ZNF267: variants seen among roughly 807,000 people sequenced by gnomAD.
ZNF267 encodes zinc finger (C2H2).
In ZNF267, 61 loss-of-function variants were observed where a neutral mutation model predicts 71.6. The ratio of observed to expected loss-of-function variants is 0.85; its 90% CI spans 0.69 to 1.05. The LOEUF is 1.05. Among genes scored for constraint, ZNF267 ranks in the 50% least tolerant of loss-of-function variants. The probability of loss-of-function intolerance (pLI) is 0.00; values close to 1 mark genes in which losing one functional copy is unlikely to be tolerated. For missense variants in ZNF267, 852 were observed against 870.0 expected, an observed-to-expected ratio of 0.98 and a Z score of 0.26; for synonymous variants, 288 against 293.2, an observed-to-expected ratio of 0.98 and a Z score of 0.18.
intron 3 of ZNF267, among the ~76,000 whole-genome samples, chr16:31,899,742 A>G (rs1291898116): frequency 2.6e-5 from 4 of 152,198 alleles, no homozygotes; most frequent in African/African-American, 9.7e-5. Flanking sequence ...TTCAAAGTTA[A>G]CAGGCTCTCT....
At chr16:31,904,376 T>G (rs2084069556) in intron 3 of ZNF267, among the ~76,000 whole-genome samples, 1 of 152,240 alleles carries the variant, frequency 6.6e-6, no homozygotes, top group Admixed American at 6.5e-5. Context: ...TGTCTAATGT[T>G]GACAATGGGT....
chr16:31,888,498 C>T (rs996093752), intron 3 of ZNF267, among the ~76,000 whole-genome samples: 1 of 151,914 alleles, frequency 6.6e-6, no homozygotes, highest in African/African-American at 2.4e-5. Context: ...GAGATGGATA[C>T]TTTTGTATGT....
At chr16:31,888,939 AT>A (rs1004388954) in intron 3 of ZNF267, among the ~76,000 whole-genome samples, 2 of 151,522 alleles carry the variant, frequency 1.3e-5, no homozygotes, top group African/African-American at 2.4e-5. Flanking sequence ...TGGTCATGGG[AT>A]TTTTTTTAAA....
intron 3 of ZNF267, among the ~76,000 whole-genome samples, chr16:31,905,281 G>C (rs2084079006): frequency 6.6e-6 from 1 of 152,078 alleles, no homozygotes; most frequent in Non-Finnish European, 1.5e-5. Flanking sequence ...TGCTCTTCTT[G>C]AGGAGTATCT....
At chr16:31,892,509 C>T (rs1338101448) in intron 3 of ZNF267, among the ~76,000 whole-genome samples, 1 of 152,202 alleles carries the variant, frequency 6.6e-6, no homozygotes, top group African/African-American at 2.4e-5. Context: ...CTAATTTCAG[C>T]ATTAACTCAA....
intron 3 of ZNF267, among the ~76,000 whole-genome samples, chr16:31,907,015 C>T (rs534662103): frequency 3.9e-5 from 6 of 152,134 alleles, no homozygotes; most frequent in Non-Finnish European, 7.4e-5. Flanking sequence ...TCATCACTTT[C>T]AATATATCAT....
intron 3 of ZNF267, among the ~76,000 whole-genome samples, chr16:31,903,624 G>A (rs1383727850): frequency 2.6e-5 from 4 of 152,010 alleles, no homozygotes; most frequent in East Asian, 1.9e-4. Context: ...CTGTGGGATC[G>A]GTGGTGATAT....
rs757339634 is a variant in ZNF267, at chr16:31,873,817, C to T, written c.-150C>T. On this transcript the variant is annotated 5_prime_UTR_variant, in exon 1 of 4. Coordinates refer to ENST00000300870, the MANE Select transcript of ZNF267 (RefSeq NM_003414.6). ...GCCTTCGTCGGCTCCAGTTAGAGCT[C>T]GGGTCTCCTCGCCACAGCTCCGAGT... 2.8e-6 allele frequency: 3 copies of T among 1,074,088 alleles called. No homozygotes were observed. The highest frequency in any genetic ancestry group is 4.2e-6 in the Non-Finnish European group (3 of 710,140). The allele number at this position is 1,074,088 out of a possible 1,614,324, so 66.5% of individuals were successfully genotyped here.
Position 31,915,351 on chromosome 16 carries a change from A to G in ZNF267, c.1102A>G (p.Thr368Ala). 6.2e-7 allele frequency: 1 copy of G among 1,613,608 alleles called. No homozygotes were observed. The highest frequency in any genetic ancestry group is 2.2e-5 in the East Asian group (1 of 44,824). Reference sequence around the variant, plus strand: ...TAACCTTAACTGTAGTTTATACCTTACTAAACAGCAGCAAATTGATACTGG... The same window carrying G: ...TAACCTTAACTGTAGTTTATACCTTGCTAAACAGCAGCAAATTGATACTGG... The part of the protein sequence containing the change: ...VFNLNCSLYL[T>A]KQQQIDTGEN... Residue 368 changes from threonine to alanine, a missense_variant, in exon 4 of 4, where the codon ACT becomes GCT. Transcript: ENST00000300870.
intron 3 of ZNF267, among the ~76,000 whole-genome samples, chr16:31,889,564 A>G (rs1419325987): frequency 1.3e-5 from 2 of 152,170 alleles, no homozygotes; most frequent in African/African-American, 2.4e-5. Flanking sequence ...AGTCTATTCT[A>G]TAAAGAAAAG....
rs559525743 is a variant in ZNF267, at chr16:31,873,913, G to C, written c.-54G>C. The C allele has an allele frequency of 6.2e-7, 1 of 1,613,170 alleles. No homozygotes were observed. On this transcript the variant is annotated 5_prime_UTR_variant, in exon 1 of 4. Transcript: ENST00000300870. ...CAGAACCTCTGTTGCTCTGCGACTTGCAGGCACTGGGAGATTCGTAGCTAA... is the reference window on the plus strand; with the variant it reads ...CAGAACCTCTGTTGCTCTGCGACTTCCAGGCACTGGGAGATTCGTAGCTAA...
At chr16:31,900,533 C>T (rs2084031551) in intron 3 of ZNF267, among the ~76,000 whole-genome samples, 1 of 152,146 alleles carries the variant, frequency 6.6e-6, no homozygotes, top group Non-Finnish European at 1.5e-5. Flanking sequence ...CAGGCTCCGC[C>T]TCCTGGGTTC....
At chr16:31,903,323 C>T (rs778243807) in intron 3 of ZNF267, among the ~76,000 whole-genome samples, 2 of 152,146 alleles carry the variant, frequency 1.3e-5, no homozygotes, top group African/African-American at 2.4e-5. Flanking sequence ...GGGAGGGATT[C>T]CCTCTTTTTC....
At chr16:31,888,402 T>C (rs1043566901) in intron 3 of ZNF267, among the ~76,000 whole-genome samples, 4 of 152,122 alleles carry the variant, frequency 2.6e-5, no homozygotes, top group African/African-American at 9.6e-5. Context: ...CTCACTACTA[T>C]GTTGAATAGA....
chr16:31,882,300 G>T (rs990501529), intron 1 of ZNF267, among the ~76,000 whole-genome samples: 1 of 152,168 alleles, frequency 6.6e-6, no homozygotes, highest in Non-Finnish European at 1.5e-5. Context: ...ACTTTAAATG[G>T]CTGGCAAAGG....
intron 3 of ZNF267, among the ~76,000 whole-genome samples, chr16:31,893,899 G>A (rs1244155949): frequency 6.6e-6 from 1 of 152,188 alleles, no homozygotes; most frequent in Non-Finnish European, 1.5e-5. Context: ...TCACAGACAG[G>A]ACCAAATTCT....
At position 31,915,718 on chromosome 16, in the gene ZNF267, A is replaced by G. The variant is rs1472087916; in HGVS notation, c.1469A>G (p.Lys490Arg). Residue 490 changes from lysine to arginine, a missense_variant, in exon 4 of 4, where the codon AAG becomes AGG. By Grantham distance (26) the Lys-to-Arg change is conservative. Transcript: ENST00000300870. ...IMHQRVHTGE[K>R]PYKCKECGKV... ...CATCAGAGAGTTCATACTGGAGAGAAGCCTTATAAATGTAAAGAATGTGGC... is the reference window on the plus strand; with the variant it reads ...CATCAGAGAGTTCATACTGGAGAGAGGCCTTATAAATGTAAAGAATGTGGC... 1 of 1,613,380 alleles carries G rather than the reference A, an allele frequency of 6.2e-7. No individual in the cohort carries two copies. Among genetic ancestry groups the G allele is most frequent in the East Asian group, 2.2e-5 (1 of 44,864 alleles).
intron 1 of ZNF267, among the ~76,000 whole-genome samples, chr16:31,875,510 C>A (rs1356758737): frequency 6.6e-6 from 1 of 152,116 alleles, no homozygotes; most frequent in Admixed American, 6.5e-5. Context: ...ATTCCTGCCC[C>A]CTAGATTCAT....
rs1257980886 is a variant in ZNF267, at chr16:31,916,542, A to G, written c.*61A>G. 1 of 1,481,088 alleles carries G rather than the reference A, an allele frequency of 6.8e-7. No individual in the cohort carries two copies. The highest frequency in any genetic ancestry group is 9.1e-7 in the Non-Finnish European group (1 of 1,095,720). The allele number at this position is 1,481,088 out of a possible 1,614,324, so 91.7% of individuals were successfully genotyped here. A position where few individuals can be genotyped will look rare whatever the true frequency, so the allele number is the denominator to read the frequency against. ...CCCATGTCTTATTGTGCATCAGATAATTTATATGGGAGTGAAACCCTACAA... is the reference window on the plus strand; with the variant it reads ...CCCATGTCTTATTGTGCATCAGATAGTTTATATGGGAGTGAAACCCTACAA... On this transcript the variant is annotated 3_prime_UTR_variant, in exon 4 of 4. Transcript: ENST00000300870.
Sources: gnomAD v4.1 joint callset for allele counts (sites outside exome capture counted in the v4.1 genomes callset) on GRCh38, gnomAD v4.1.1 for gene constraint, MANE v1.5 for transcripts, NCBI Gene and HGNC (gene_info 2026-07-23, HGNC 2026-07-21) for gene names.